The following CELSR1 variants were observed in gnomAD, a reference collection of about 807,000 sequenced individuals.
CELSR1 encodes cadherin EGF LAG seven-pass G-type receptor 1.
Under a neutral mutation model 249.1 loss-of-function variants are expected in CELSR1, and 110 were observed. That is an observed-to-expected ratio of 0.44 (90% CI 0.38 to 0.52). The LOEUF is 0.52. Among genes scored for constraint, CELSR1 ranks in the 20% least tolerant of loss-of-function variants. CELSR1 has a pLI of 0.00. For synonymous variants in CELSR1, 2,113 were observed against 1,900.0 expected (o/e 1.11, Z -2.92); for missense variants, 4,109 against 4,296.4 (o/e 0.96, Z 1.22).
rs186062248 is a variant in CELSR1 at position 46,439,717 on chromosome 22, C to T, written c.4184-306G>A. 8.5e-5 allele frequency among the ~76,000 whole-genome samples: 13 copies of T among 152,248 alleles called. No homozygotes were observed. The East Asian group carries it at 2.1e-3, about 25-fold the overall frequency. On this transcript the variant is annotated intron_variant, in intron 2 of 34. Transcript: ENST00000674500. Reference sequence around the variant, plus strand: ...GGCAGCAATGAGCCCTTCCCAGCCTCCAACCCCGTTCTGAGCACCCTGCAG... The same window carrying T: ...GGCAGCAATGAGCCCTTCCCAGCCTTCAACCCCGTTCTGAGCACCCTGCAG...
intron 1 of CELSR1, among the ~76,000 whole-genome samples, chr22:46,504,521 C>A (rs5768856): frequency 0.024 from 1,720 of 72,240 alleles, 19 homozygotes; most frequent in African/African-American, 0.04. Context: ...AAAAAAAAAA[C>A]AAAAAAAAAC....
chr22:46,463,372 T>C (rs2080054273), intron 2 of CELSR1, among the ~76,000 whole-genome samples: 1 of 152,030 alleles, frequency 6.6e-6, no homozygotes. Context: ...AAAAATTAGC[T>C]GGGCGTGGTG....
chr22:46,477,601 G>C (rs986527737), intron 1 of CELSR1, among the ~76,000 whole-genome samples: 2 of 144,684 alleles, frequency 1.4e-5, no homozygotes, highest in Admixed American at 7.4e-5. Context: ...TCCACCTCCC[G>C]AGTTCAAGCG....
At chr22:46,508,990 G>C (rs959181209) in intron 1 of CELSR1, among the ~76,000 whole-genome samples, 1 of 152,178 alleles carries the variant, frequency 6.6e-6, no homozygotes, top group African/African-American at 2.4e-5. Context: ...CCAACCAGTG[G>C]CCTCCATCTG....
In CELSR1 at chr22:46,368,626, G is replaced by C. The variant is rs113349249; in HGVS notation, c.7952+553C>G. 4.2e-5 allele frequency among the ~76,000 whole-genome samples: 5 copies of C among 118,200 alleles called. No individual in the cohort carries two copies. The African/African-American group carries it at 4.9e-4, about 11-fold the overall frequency. The allele number at this position is 118,200 out of a possible 152,430, so 77.5% of individuals were successfully genotyped here. A position where few individuals can be genotyped will look rare whatever the true frequency, so the allele number is the denominator to read the frequency against. Reference sequence around the variant, plus strand: ...GCCTTGTTGTCTGACAGATGCCCCCGTCAACCCCTCCTGACCCTGTCGTGG... The same window carrying C: ...GCCTTGTTGTCTGACAGATGCCCCCCTCAACCCCTCCTGACCCTGTCGTGG... On this transcript the variant is annotated intron_variant, in intron 27 of 34. Transcript: ENST00000674500.
chr22:46,386,553 G>T lies in CELSR1; in HGVS notation c.6588C>A (p.Ala2196=). 6.3e-7 allele frequency: 1 copy of T among 1,597,650 alleles called. No homozygotes were observed. Among genetic ancestry groups the T allele is most frequent in the Non-Finnish European group, 8.5e-7 (1 of 1,174,758 alleles). The change falls in exon 19 of 35, where the codon GCC becomes GCA. Residue 2196 remains alanine (A), a synonymous_variant. Coordinates refer to ENST00000674500, the MANE Select transcript of CELSR1 (RefSeq NM_001378328.1). ...GCTCCCACGCCGCCCTGGTGGCTGG[G>T]GCCAGGAGGGCGCTGCCCGAGTGGA... is the stretch of plus-strand genomic sequence containing the variant. ...DVIHSGSALL[A]PATRAAWEQI...
chr22:46,440,741 C>T lies in CELSR1; in HGVS notation c.4184-1330G>A. 6.6e-6 allele frequency among the ~76,000 whole-genome samples: 1 copy of T among 152,168 alleles called. No individual in the cohort carries two copies. Among genetic ancestry groups the T allele is most frequent in the East Asian group, 1.9e-4 (1 of 5,202 alleles). On this transcript the variant is annotated intron_variant, in intron 2 of 34. Transcript: ENST00000674500. This position sits in a 1 kb window ranked among gnomAD's most constrained non-coding sequence, Gnocchi z 4.7. ...TTGTCATTTTCATGGCAATTTCCCC[C>T]AGCTTAATGTTTAACATTAGGTTTT...
chr22:46,477,414 T>C (rs572458959), intron 1 of CELSR1, among the ~76,000 whole-genome samples: 2 of 152,326 alleles, frequency 1.3e-5, no homozygotes, highest in South Asian at 4.1e-4. Context: ...TCCAAACGTC[T>C]GACCACAAGA....
At chr22:46,442,132 G>A (rs757200670) in intron 2 of CELSR1, among the ~76,000 whole-genome samples, 3 of 152,190 alleles carry the variant, frequency 2.0e-5, no homozygotes, top group Non-Finnish European at 4.4e-5. Context: ...TGGGCAGCAA[G>A]AGCAAAACTC....
Position 46,430,305 on chromosome 22 carries a change from A to C in CELSR1, c.4611+3088T>G, listed in dbSNP as rs1270629261. 6.6e-6 allele frequency among the ~76,000 whole-genome samples: 1 copy of C among 152,164 alleles called. No individual in the cohort carries two copies. Among genetic ancestry groups the C allele is most frequent in the East Asian group, 1.9e-4 (1 of 5,190 alleles). ...CAAGTATGTTTTCTTCATCATCCCC[A>C]AAAATGCAAAAACCAAAACCAGCGA... is the stretch of plus-strand genomic sequence containing the variant. On this transcript the variant is annotated intron_variant, in intron 5 of 34. Transcript: ENST00000674500. This position sits in a 1 kb window ranked among gnomAD's most constrained non-coding sequence, Gnocchi z 4.6.
rs2080834729 is a variant in CELSR1 at position 46,534,935 on chromosome 22, G to C, written c.2236C>G (p.Leu746Val). Reference protein sequence around the residue: ...SSQRGGGLITLALPLDYKQEQ... With the variant: ...SSQRGGGLITVALPLDYKQEQ... ...TGCTTGTAGTCCAGAGGTAGCGCCA[G>C]GGTGATGAGGCCGCCCCCTCTCTGG... Residue 746 changes from leucine to valine, a missense_variant, in exon 1 of 35, where the codon CTG becomes GTG. Physicochemically the swap from Leu to Val is conservative, Grantham distance 32. This residue lies in a region of CELSR1 where 886 missense variants were observed against 896.5 expected (regional missense o/e 0.99). Transcript: ENST00000674500. The surrounding 1 kb of genome is among the most constrained non-coding windows in gnomAD (Gnocchi z 9.7). 1 of 1,612,376 alleles carries C rather than the reference G, an allele frequency of 6.2e-7. No individual in the cohort carries two copies. The highest frequency in any genetic ancestry group is 8.5e-7 in the Non-Finnish European group (1 of 1,179,982).
Position 46,489,327 on chromosome 22 carries a change from AC to A in CELSR1, c.3545-24983del, listed in dbSNP as rs1391313421. On this transcript the variant is annotated intron_variant, in intron 1 of 34. Coordinates refer to ENST00000674500, the MANE Select transcript of CELSR1 (RefSeq NM_001378328.1). Reference sequence around the variant, plus strand: ...ATGCTCTCTGACGAGGGCACTTTTGACTATTAACCCACCCGGCCTTCCCACC... The same window carrying A: ...ATGCTCTCTGACGAGGGCACTTTTGATATTAACCCACCCGGCCTTCCCACC... Among the ~76,000 whole-genome samples, 5 of 151,626 alleles carry A rather than the reference AC, an allele frequency of 3.3e-5. No homozygotes were observed. The South Asian group carries it at 6.3e-4, about 19-fold the overall frequency.
Position 46,534,795 on chromosome 22 carries a change from G to C in CELSR1, c.2376C>G (p.Ser792=). The part of the protein sequence containing the change: ...ANTHRPVFQS[S]HYTVSVSEDR... ...CCTCACTGACACTCACTGTGTAATG[G>C]GAGCTCTGAAAGACAGGCCTGTGGG... Residue 792 remains serine (S), a synonymous_variant, in exon 1 of 35, where the codon TCC becomes TCG. Transcript: ENST00000674500. The surrounding 1 kb of genome is among the most constrained non-coding windows in gnomAD (Gnocchi z 9.7). The C allele has an allele frequency of 6.2e-7, 1 of 1,613,228 alleles. No individual in the cohort carries two copies. Among genetic ancestry groups the C allele is most frequent in the South Asian group, 1.1e-5 (1 of 91,084 alleles).
chr22:46,373,582 C>T (rs1015690210), intron 24 of CELSR1, among the ~76,000 whole-genome samples: 6 of 148,360 alleles, frequency 4.0e-5, no homozygotes, highest in Admixed American at 2.0e-4. Context: ...CCAAAGCTGC[C>T]GCCAGCTGGG....
At position 46,433,595 on chromosome 22, in the gene CELSR1, C is replaced by T. The variant is rs917752356; in HGVS notation, c.4523-114G>A. The stretch of plus-strand genomic sequence containing the variant: ...AGACAGGTGCACATGGCCACGTCCT[C>T]CCTCCCCTCCCCACGGCACCATGGT... On this transcript the variant is annotated intron_variant, in intron 4 of 34. Coordinates refer to ENST00000674500, the MANE Select transcript of CELSR1 (RefSeq NM_001378328.1). This position sits in a 1 kb window ranked among gnomAD's most constrained non-coding sequence, Gnocchi z 5.7. The T allele has an allele frequency of 2.9e-6, 2 of 692,066 alleles. No homozygotes were observed. The highest frequency in any genetic ancestry group is 2.4e-4 in the Middle Eastern group (1 of 4,164). 42.9% of individuals were successfully genotyped at this position (692,066 alleles called of 1,614,324 possible).
Position 46,410,884 on chromosome 22 carries a change from A to G in CELSR1, c.4770-323T>C, listed in dbSNP as rs1169238395. ...ACAGGTCAAGGCCAGCAGGGACTAT[A>G]CTTTACCCTTGCCTCTGAGACCTTC... On this transcript the variant is annotated intron_variant, in intron 6 of 34. Coordinates refer to ENST00000674500, the MANE Select transcript of CELSR1 (RefSeq NM_001378328.1). This position sits in a 1 kb window ranked among gnomAD's most constrained non-coding sequence, Gnocchi z 6.8. Among the ~76,000 whole-genome samples, 1 of 151,868 alleles carries G rather than the reference A, an allele frequency of 6.6e-6. No individual in the cohort carries two copies. Among genetic ancestry groups the G allele is most frequent in the East Asian group, 1.9e-4 (1 of 5,154 alleles).
Position 46,537,219 on chromosome 22 carries a change from C to G in CELSR1, c.-49G>C. On this transcript the variant is annotated 5_prime_UTR_variant, in exon 1 of 35. Coordinates refer to ENST00000674500, the MANE Select transcript of CELSR1 (RefSeq NM_001378328.1). This position sits in a 1 kb window ranked among gnomAD's most constrained non-coding sequence, Gnocchi z 5.8. Reference sequence around the variant, plus strand: ...GGGCGCCCGAACACAATCCATGCACCCGGCGCGCCTCCGCATCCACCCGGC... The same window carrying G: ...GGGCGCCCGAACACAATCCATGCACGCGGCGCGCCTCCGCATCCACCCGGC... The G allele has an allele frequency of 9.8e-7, 1 of 1,015,968 alleles. No individual in the cohort carries two copies. The highest frequency in any genetic ancestry group is 4.5e-5 in the South Asian group (1 of 22,388). The allele number at this position is 1,015,968 out of a possible 1,614,324, so 62.9% of individuals were successfully genotyped here. A position where few individuals can be genotyped will look rare whatever the true frequency, so the allele number is the denominator to read the frequency against.
In CELSR1 at chr22:46,365,569, C is replaced by T. The variant is rs544302683; in HGVS notation, c.8404+17G>A. 2 of 1,576,154 alleles carry T rather than the reference C, an allele frequency of 1.3e-6. No homozygotes were observed. The highest frequency in any genetic ancestry group is 1.2e-5 in the South Asian group (1 of 86,352). On this transcript the variant is annotated intron_variant, in intron 31 of 34. Coordinates refer to ENST00000674500, the MANE Select transcript of CELSR1 (RefSeq NM_001378328.1). ...AAAAACAACCCACGGGGTCCTCCCC[C>T]TCCAGGGAAGCCATACCAGGGGGAT...
Position 46,441,419 on chromosome 22 carries a change from T to C in CELSR1, c.4184-2008A>G, listed in dbSNP as rs762162246. 6.6e-6 allele frequency among the ~76,000 whole-genome samples: 1 copy of C among 152,038 alleles called. No homozygotes were observed. On this transcript the variant is annotated intron_variant, in intron 2 of 34. Transcript: ENST00000674500. This position sits in a 1 kb window ranked among gnomAD's most constrained non-coding sequence, Gnocchi z 6.1. ...TGCCGTGTGGGGCAGCCTAATTTGA[T>C]GCCAACTCAAACAGACAGAATGAAA...
Sources: allele counts gnomAD v4.1 joint callset (sites outside exome capture counted in the v4.1 genomes callset), GRCh38; gene constraint gnomAD v4.1.1; regional missense constraint gnomAD v4.1.1; non-coding constraint Gnocchi (gnomAD v3.1); transcripts MANE v1.5; gene names NCBI Gene and HGNC (gene_info 2026-07-23, HGNC 2026-07-21).